The following GAS2L1 variants were observed in gnomAD, a reference collection of about 807,000 sequenced individuals.
GAS2L1 encodes the protein growth arrest specific 2 like 1, also known as GAS2-like protein 1.
A neutral mutation model predicts 44.0 loss-of-function variants in GAS2L1; 26 were observed. The observed-to-expected ratio is 0.59, with a 90% CI of 0.43 to 0.82. The LOEUF is 0.82. Ranked by LOEUF, GAS2L1 falls within the 40% of genes least tolerant of loss-of-function variation. The pLI is 0.00. For missense variants in GAS2L1, 1,006 were observed against 983.0 expected (o/e 1.02, Z -0.31); for synonymous variants, 426 against 415.9 (o/e 1.02, Z -0.30).
chr22:29,310,896 G>T lies in GAS2L1; in HGVS notation c.908G>T (p.Arg303Leu), dbSNP rs572882535. Reference sequence around the variant, plus strand: ...AGGGTGTCGCCCACCACCAGTCCCCGCCCTGCTAGCCCAGTCCCTGGGAGT... The same window carrying T: ...AGGGTGTCGCCCACCACCAGTCCCCTCCCTGCTAGCCCAGTCCCTGGGAGT... Residue 303 changes from arginine (R) to leucine (L), a missense_variant, in exon 4 of 5, where the codon CGC becomes CTC. Coordinates refer to ENST00000618518, the Ensembl canonical transcript of GAS2L1. 6 of 1,613,336 alleles carry T rather than the reference G, an allele frequency of 3.7e-6. No homozygotes were observed. In the African/African-American group the frequency reaches 8.0e-5, roughly 22 times the overall value.
At chr22:29,311,045 G>A (rs759146077) in intron 4 of GAS2L1, 47 bp downstream of exon 5, 2 of 1,557,334 alleles carry the variant, frequency 1.3e-6, no homozygotes, top group Admixed American at 1.7e-5. Context: ...GGGTGGGGGG[G>A]CGTCAGCCCT....
chr22:29,311,061 G>A, intron 4 of GAS2L1, 63 bp downstream of exon 5: 3 of 1,458,734 alleles, frequency 2.1e-6, no homozygotes, highest in Non-Finnish European at 2.8e-6. Flanking sequence ...GCCCTGGCCT[G>A]CATGATGGGT....
rs767616900 is a variant in GAS2L1, at chr22:29,312,188, AC to A, written c.1739del (p.Pro580LeufsTer36). The A allele has an allele frequency of 5.6e-6, 9 of 1,612,974 alleles. No homozygotes were observed. Among genetic ancestry groups the A allele is most frequent in the Non-Finnish European group, 6.8e-6 (8 of 1,179,814 alleles). ...GCGTCCTGGGTGGCAAATGTGGCCA[AC>A]CTGGGGACTCTGGCCGGACGGCCAA... On this transcript the variant is annotated frameshift_variant, in exon 5 of 5. Coordinates refer to ENST00000618518, the Ensembl canonical transcript of GAS2L1. LOFTEE classifies it high-confidence loss of function.
At chr22:29,310,606 G>A (rs374298516) in intron 2 of GAS2L1, 32 bp from the exon 4 acceptor site, 31 of 1,590,860 alleles carry the variant, frequency 1.9e-5, no homozygotes, top group African/African-American at 1.7e-4. Flanking sequence ...CGGGGCGCCC[G>A]GGGCACAGCC....
chr22:29,308,101 C>A (rs372224648), exon 1 of GAS2L1: 1 of 1,541,528 alleles, frequency 6.5e-7, no homozygotes, highest in Non-Finnish European at 8.8e-7. Flanking sequence ...TCGGCCGGTC[C>A]GGGCATGGCA....
upstream of GAS2L1, chr22:29,306,672 T>C (rs1038191366): frequency 1.3e-5 from 2 of 152,290 alleles, no homozygotes; most frequent in African/African-American, 4.8e-5. Context: ...TGCCTTCATC[T>C]TGGGAACAGG....
At chr22:29,312,284 GGGGGGGCCACTAGATGCACCT>G (rs2061418268) in exon 5 of GAS2L1, 1 of 1,609,102 alleles carries the variant, frequency 6.2e-7, no homozygotes. Context: ...GCCCTGGCAT[GGGGGGGCCACTAGATGCACCT>G]GGGAGCCCCC....
At chr22:29,308,802 T>G in intron 1 of GAS2L1, 64 bp downstream of exon 2, 1 of 1,310,450 alleles carries the variant, frequency 7.6e-7, no homozygotes, top group Non-Finnish European at 1.0e-6. Flanking sequence ...AATCTGTCCC[T>G]GAACCTCCCA....
exon 3 of GAS2L1, chr22:29,310,716 TGCC>T (rs1279934123): frequency 6.2e-7 from 1 of 1,609,604 alleles, no homozygotes; most frequent in African/African-American, 1.3e-5. Flanking sequence ...GCACGACCCG[TGCC>T]GCTGCTCCTC....
chr22:29,308,154 C>A, exon 1 of GAS2L1: 1 of 1,586,820 alleles, frequency 6.3e-7, no homozygotes, highest in Non-Finnish European at 8.6e-7. Context: ...CAAGAGCGTG[C>A]GGCCATTTCG....
Position 29,311,527 on chromosome 22 carries a change from C to T in GAS2L1, c.1076C>T (p.Ala359Val), listed in dbSNP as rs1311315431. 7.8e-6 allele frequency: 12 copies of T among 1,539,226 alleles called. No homozygotes were observed. The Admixed American group carries it at 2.2e-4, about 28-fold the overall frequency. Residue 359 changes from alanine to valine, a missense_variant, in exon 5 of 5, where the codon GCC becomes GTC. Physicochemically the swap from Ala to Val is moderately conservative, Grantham distance 64. Transcript: ENST00000618518. Reference sequence around the variant, plus strand: ...TACTCCGGGGACAGTGACTCCTCAGCCTCCTCCGCCCAGAGCGGCCCCCTT... The same window carrying T: ...TACTCCGGGGACAGTGACTCCTCAGTCTCCTCCGCCCAGAGCGGCCCCCTT...
At chr22:29,312,412 G>A (rs2061420440) in exon 5 of GAS2L1, 2 of 1,563,800 alleles carry the variant, frequency 1.3e-6, no homozygotes, top group Non-Finnish European at 1.7e-6. Context: ...CGGGGCCCCC[G>A]CCGCCCCTCC....
chr22:29,307,193 A>G (rs1226726921), exon 1 of GAS2L1: 6 of 144,232 alleles, frequency 4.2e-5, no homozygotes, highest in East Asian at 2.4e-4. Flanking sequence ...CCTGGTGCGC[A>G]TGGACGGGGG....
In GAS2L1 at chr22:29,308,059, CGA is replaced by C. The variant is rs759883622; in HGVS notation, c.-46_-45del. ...CTGAGCGCTTACTGGGTCCCCACAG[CGA>C]TCCTGAACTGTGTTCCTGCCCACAG... On this transcript the variant is annotated 5_prime_UTR_variant, in exon 1 of 5. Transcript: ENST00000618518. 9.5e-6 allele frequency: 14 copies of C among 1,477,484 alleles called. No individual in the cohort carries two copies. The South Asian group carries it at 1.8e-4, about 19-fold the overall frequency. 91.5% of individuals were successfully genotyped at this position (1,477,484 alleles called of 1,614,324 possible).
exon 1 of GAS2L1, chr22:29,307,857 A>G: frequency 2.7e-6 from 1 of 372,042 alleles, no homozygotes. Flanking sequence ...GCAAACACTT[A>G]ATGGACCCTA....
At chr22:29,310,929 G>T (rs61737777) in exon 4 of GAS2L1, 3 of 1,613,586 alleles carry the variant, frequency 1.9e-6, no homozygotes, top group Non-Finnish European at 1.7e-6. Context: ...AGTGAGCGCC[G>T]GGGCTCCCGG....
exon 5 of GAS2L1, chr22:29,312,681 T>C (rs2061424138): frequency 2.2e-6 from 1 of 445,288 alleles, no homozygotes; most frequent in Non-Finnish European, 3.9e-6. Flanking sequence ...AGCGTTGCTA[T>C]TTAATTACTA....
At position 29,311,117 on chromosome 22, in the gene GAS2L1, G is replaced by T. The variant is rs1192581644; in HGVS notation, c.1010+119G>T. On this transcript the variant is annotated intron_variant, in intron 4 of 4. Coordinates refer to ENST00000618518, the Ensembl canonical transcript of GAS2L1. ...TCACACCCTGGGAAAAGTTCCCGTG[G>T]GTGGGGGCGGGCCTGGCTTCCCATC... 40 of 972,976 alleles carry T rather than the reference G, an allele frequency of 4.1e-5. 2 individuals are homozygous for T. Among genetic ancestry groups the T allele is most frequent in the South Asian group, 2.6e-4 (16 of 60,456 alleles). The allele number at this position is 972,976 out of a possible 1,614,324, so 60.3% of individuals were successfully genotyped here.
chr22:29,308,678 A>T, exon 1 of GAS2L1: 2 of 1,516,940 alleles, frequency 1.3e-6, no homozygotes, highest in Non-Finnish European at 1.8e-6. Context: ...CCCCCGCACC[A>T]GGGACTCCTG....
Sources: gnomAD v4.1 joint callset for allele counts on GRCh38, gnomAD v4.1.1 for gene constraint, MANE v1.5 for transcripts, NCBI Gene and HGNC (gene_info 2026-07-23, HGNC 2026-07-21) for gene names.